The following CSMD2 variants were observed in gnomAD, a reference collection of about 807,000 sequenced individuals.
The protein encoded by CSMD2 is CUB and Sushi multiple domains 2, also known as CUB and sushi domain-containing protein 2.
CSMD2 carries 130 observed loss-of-function variants against 398.5 expected under a neutral mutation model. The observed-to-expected ratio is 0.33, with a 90% CI of 0.28 to 0.38. CSMD2 has a LOEUF of 0.38. Among genes scored for constraint, CSMD2 ranks in the 10% least tolerant of loss-of-function variants. The pLI is 1.00. For missense variants in CSMD2, 3,829 were observed against 4,764.9 expected, an observed-to-expected ratio of 0.80 and a Z score of 5.78; for synonymous variants, 1,828 against 1,908.5, an observed-to-expected ratio of 0.96 and a Z score of 1.10.
At chr1:33,903,434 A>G (rs1642882092) in intron 5 of CSMD2, among the ~76,000 whole-genome samples, 1 of 151,854 alleles carries the variant, frequency 6.6e-6, no homozygotes, top group Admixed American at 6.6e-5. Flanking sequence ...CTGATTAATT[A>G]TTAATCAGAC....
intron 3 of CSMD2, among the ~76,000 whole-genome samples, chr1:33,953,823 A>G (rs930537762): frequency 6.6e-6 from 1 of 152,182 alleles, no homozygotes; most frequent in Non-Finnish European, 1.5e-5. Flanking sequence ...TTATTGACTC[A>G]GGAGCCAGCT....
chr1:34,025,396 T>G (rs987778527), intron 3 of CSMD2, among the ~76,000 whole-genome samples: 4 of 152,220 alleles, frequency 2.6e-5, no homozygotes, highest in Non-Finnish European at 5.9e-5. Flanking sequence ...AGTCAAGGAC[T>G]GCACACAATA....
At chr1:34,144,466 C>T (rs1185661376) in intron 1 of CSMD2, among the ~76,000 whole-genome samples, 3 of 152,158 alleles carry the variant, frequency 2.0e-5, no homozygotes, top group Non-Finnish European at 4.4e-5. Context: ...CTTAGCTCAG[C>T]CCCAACCCAC....
Position 34,165,160 on chromosome 1 carries a change from G to C in CSMD2, c.-63C>G. The C allele has an allele frequency of 1.7e-6, 2 of 1,197,764 alleles. No individual in the cohort carries two copies. The highest frequency in any genetic ancestry group is 2.1e-6 in the Non-Finnish European group (2 of 965,990). The allele number at this position is 1,197,764 out of a possible 1,614,324, so 74.2% of individuals were successfully genotyped here. On this transcript the variant is annotated 5_prime_UTR_variant, in exon 1 of 71. Transcript: ENST00000373381. ...CCGCCGAGGAGAAAGGAGGTCAGGA[G>C]AGCTCTGGAGCTTTTTTCTGCTCGG...
rs553483234 is a variant in CSMD2, at chr1:33,842,994, C to T, written c.1033+3890G>A. Among the ~76,000 whole-genome samples, 16 of 152,286 alleles carry T rather than the reference C, an allele frequency of 1.1e-4. No homozygotes were observed. The South Asian group carries it at 2.9e-3, about 28-fold the overall frequency. On this transcript the variant is annotated intron_variant, in intron 6 of 70. Coordinates refer to ENST00000373381, the MANE Select transcript of CSMD2 (RefSeq NM_001281956.2). ...TCTGAGACCCACATTTAAGTCACTG[C>T]CTCTTTTTTGGCTTTCCTTAAATCC...
intron 48 of CSMD2, among the ~76,000 whole-genome samples, chr1:33,578,526 T>C (rs879299504): frequency 2.6e-5 from 4 of 152,142 alleles, no homozygotes; most frequent in Non-Finnish European, 4.4e-5. Context: ...TGCAGGGAGA[T>C]GAGCTCATGC....
intron 15 of CSMD2, among the ~76,000 whole-genome samples, chr1:33,736,552 T>C (rs1027553180): frequency 6.6e-6 from 1 of 152,186 alleles, no homozygotes; most frequent in African/African-American, 2.4e-5. Flanking sequence ...TGTTCATACA[T>C]GGCCTTGAAG....
At chr1:33,995,026 C>T (rs1259709634) in intron 3 of CSMD2, among the ~76,000 whole-genome samples, 2 of 150,778 alleles carry the variant, frequency 1.3e-5, no homozygotes, top group African/African-American at 2.4e-5. Context: ...ATCGCCCCAC[C>T]GCACTCCAGC....
intron 29 of CSMD2, among the ~76,000 whole-genome samples, chr1:33,645,771 A>G (rs932126375): frequency 2.0e-5 from 3 of 152,252 alleles, no homozygotes; most frequent in Admixed American, 6.5e-5. Flanking sequence ...TTATAAAGGA[A>G]GAAATGGAGG....
intron 1 of CSMD2, among the ~76,000 whole-genome samples, chr1:34,120,027 C>T (rs1662007867): frequency 6.6e-6 from 1 of 152,116 alleles, no homozygotes; most frequent in African/African-American, 2.4e-5. Context: ...CCTAAATGTA[C>T]CTACATGGAT....
At chr1:33,578,800 C>T (rs1175201616) in intron 48 of CSMD2, among the ~76,000 whole-genome samples, 2 of 152,252 alleles carry the variant, frequency 1.3e-5, no homozygotes, top group East Asian at 1.9e-4. Context: ...CCCTTACAGC[C>T]ACCCCTGGTG....
rs766126469 is a variant in CSMD2, at chr1:33,663,099, G to A, written c.4053-7C>T. 8 of 1,612,628 alleles carry A rather than the reference G, an allele frequency of 5.0e-6. No homozygotes were observed. The highest frequency in any genetic ancestry group is 3.3e-5 in the South Asian group (3 of 91,052). On this transcript the variant is annotated splice_region_variant and splice_polypyrimidine_tract_variant and intron_variant, in intron 25 of 70. Transcript: ENST00000373381. ...AAACACCAGGAAGTGTAGCCTGCAC[G>A]GAGAGAAGAGGCAGTGGTCATCTGG...
chr1:33,603,380 A>G (rs1320285742), intron 42 of CSMD2, among the ~76,000 whole-genome samples: 1 of 152,198 alleles, frequency 6.6e-6, no homozygotes, highest in East Asian at 1.9e-4. Flanking sequence ...GGGATGGTGG[A>G]CAAAAATCCC....
Position 33,910,431 on chromosome 1 carries a change from C to G in CSMD2, c.920+7663G>C, listed in dbSNP as rs559651423. On this transcript the variant is annotated intron_variant, in intron 5 of 70. Coordinates refer to ENST00000373381, the MANE Select transcript of CSMD2 (RefSeq NM_001281956.2). Reference sequence around the variant, plus strand: ...TCCTGTGGGACTAATTTTTCCGAGCCCTTCCAGCATCACCGCCCTCTTACA... The same window carrying G: ...TCCTGTGGGACTAATTTTTCCGAGCGCTTCCAGCATCACCGCCCTCTTACA... 5.9e-5 allele frequency among the ~76,000 whole-genome samples: 9 copies of G among 152,304 alleles called. No individual in the cohort carries two copies. In the East Asian group the frequency reaches 1.3e-3, roughly 23 times the overall value.
chr1:34,093,684 G>A (rs1395963168), intron 1 of CSMD2, among the ~76,000 whole-genome samples: 2 of 151,786 alleles, frequency 1.3e-5, no homozygotes, highest in Non-Finnish European at 2.9e-5. Flanking sequence ...TGAATGAAAT[G>A]AAGTGAGAAG....
chr1:33,987,449 T>A (rs1325827261), intron 3 of CSMD2, among the ~76,000 whole-genome samples: 2 of 152,192 alleles, frequency 1.3e-5, no homozygotes, highest in African/African-American at 4.8e-5. Flanking sequence ...CAAGTGCTAC[T>A]GCTAAAGTTT....
At chr1:33,625,024 C>T in intron 34 of CSMD2, 27 bp downstream of exon 34, 1 of 1,611,984 alleles carries the variant, frequency 6.2e-7, no homozygotes, top group Non-Finnish European at 8.5e-7. Context: ...CCCCCGCACC[C>T]TCAACGCCCG....
At chr1:33,932,576 C>T (rs988566835) in intron 4 of CSMD2, among the ~76,000 whole-genome samples, 20 of 152,256 alleles carry the variant, frequency 1.3e-4, no homozygotes, top group South Asian at 1.0e-3. Flanking sequence ...CTCCTTCCCT[C>T]GGAAGGGCCA....
intron 55 of CSMD2, among the ~76,000 whole-genome samples, chr1:33,551,781 C>G (rs1184436839): frequency 1.3e-5 from 2 of 152,354 alleles, no homozygotes; most frequent in East Asian, 3.9e-4. Flanking sequence ...TTGTGACTTG[C>G]TTTGAATAAC....
Sources: allele counts gnomAD v4.1 joint callset (sites outside exome capture counted in the v4.1 genomes callset), GRCh38; gene constraint gnomAD v4.1.1; transcripts MANE v1.5; gene names NCBI Gene and HGNC (gene_info 2026-07-23, HGNC 2026-07-21).